The following CACNA2D3 variants were observed in gnomAD, a reference collection of about 807,000 sequenced individuals.
CACNA2D3 encodes calcium voltage-gated channel auxiliary subunit alpha2delta 3.
CACNA2D3 carries 60 observed loss-of-function variants against 160.6 expected under a neutral mutation model. That is an observed-to-expected ratio of 0.37 (90% CI 0.30 to 0.46). The LOEUF (loss-of-function observed/expected upper bound fraction) is 0.46. Ranked by LOEUF, CACNA2D3 falls within the 20% of genes least tolerant of loss-of-function variation. The pLI is 1.00. For missense variants in CACNA2D3, 1,205 were observed against 1,365.0 expected, an observed-to-expected ratio of 0.88 and a Z score of 1.85; for synonymous variants, 558 against 492.9, an observed-to-expected ratio of 1.13 and a Z score of -1.75.
At chr3:54,390,021 G>A (rs1166401372) in intron 4 of CACNA2D3, among the ~76,000 whole-genome samples, 1 of 152,164 alleles carries the variant, frequency 6.6e-6, no homozygotes, top group East Asian at 1.9e-4. Context: ...GTGATTGTGC[G>A]GGAGAGAGTG....
chr3:54,332,970 C>T (rs1452065378), intron 3 of CACNA2D3, among the ~76,000 whole-genome samples: 1 of 152,020 alleles, frequency 6.6e-6, no homozygotes, highest in Non-Finnish European at 1.5e-5. Context: ...CCCAGGGAAC[C>T]CAGGGAGTGA....
At chr3:54,392,837 T>A (rs73084027) in intron 4 of CACNA2D3, among the ~76,000 whole-genome samples, 11,108 of 152,144 alleles carry the variant, frequency 0.073, 590 homozygotes, top group South Asian at 0.11. Context: ...GCCCCAGCAC[T>A]CAGTGTAGAA....
chr3:54,231,218 G>T (rs777867405), intron 2 of CACNA2D3, among the ~76,000 whole-genome samples: 4 of 152,126 alleles, frequency 2.6e-5, no homozygotes, highest in Admixed American at 6.5e-5. Flanking sequence ...TATTACTGCC[G>T]CATGTCTGAG....
chr3:54,263,782 T>C (rs1257292086), intron 2 of CACNA2D3, among the ~76,000 whole-genome samples: 1 of 152,132 alleles, frequency 6.6e-6, no homozygotes, highest in African/African-American at 2.4e-5. Context: ...CTAATGAAAC[T>C]CACAGTGAGA....
At chr3:54,365,544 G>C (rs1206432104) in intron 3 of CACNA2D3, among the ~76,000 whole-genome samples, 2 of 152,116 alleles carry the variant, frequency 1.3e-5, no homozygotes, top group Admixed American at 6.6e-5. Context: ...CTGTATGCCA[G>C]GGGCTGAAGA....
chr3:54,983,181 T>G (rs901703239), intron 29 of CACNA2D3, among the ~76,000 whole-genome samples: 1 of 152,214 alleles, frequency 6.6e-6, no homozygotes, highest in Admixed American at 6.5e-5. Context: ...TCTAAGACAT[T>G]GCTGTCCAGA....
At chr3:54,550,244 C>T (rs1702133728) in intron 5 of CACNA2D3, among the ~76,000 whole-genome samples, 2 of 152,204 alleles carry the variant, frequency 1.3e-5, no homozygotes, top group African/African-American at 4.8e-5. Context: ...CATCCTGCAT[C>T]GCCCGTCCCC....
chr3:54,659,908 G>C (rs1051704512), intron 11 of CACNA2D3, among the ~76,000 whole-genome samples: 2 of 152,130 alleles, frequency 1.3e-5, no homozygotes, highest in Admixed American at 1.3e-4. Context: ...AAGAAGATCA[G>C]AACAAGCAGA....
At chr3:54,865,320 T>C (rs973374786) in intron 17 of CACNA2D3, among the ~76,000 whole-genome samples, 5 of 152,230 alleles carry the variant, frequency 3.3e-5, no homozygotes, top group Admixed American at 2.6e-4. Flanking sequence ...TGAGCCGTTA[T>C]TACATGGATA....
At chr3:54,823,711 C>T (rs1703689182) in intron 14 of CACNA2D3, among the ~76,000 whole-genome samples, 1 of 152,042 alleles carries the variant, frequency 6.6e-6, no homozygotes, top group Admixed American at 6.6e-5. Context: ...TAGAGTGTAA[C>T]ATTTTATGTA....
chr3:54,781,450 C>T (rs1702535524), intron 13 of CACNA2D3, among the ~76,000 whole-genome samples: 1 of 152,188 alleles, frequency 6.6e-6, no homozygotes, highest in Non-Finnish European at 1.5e-5. Flanking sequence ...GGTCAGTAAA[C>T]AGGAGAGTCT....
rs1553644142 is a variant in CACNA2D3 at position 55,074,399 on chromosome 3, T to TTTTAC, written c.*197_*201dup. ...GTTGACAAAAAGTTATCTATCATCTTTTTACTTTGCCAGTCATGCAAATGT... is the reference window on the plus strand; with the variant it reads ...GTTGACAAAAAGTTATCTATCATCTTTTTACTTTACTTTGCCAGTCATGCAAATGT... On this transcript the variant is annotated 3_prime_UTR_variant, in exon 38 of 38. Coordinates refer to ENST00000474759, the MANE Select transcript of CACNA2D3 (RefSeq NM_018398.3). 5.2e-6 allele frequency: 3 copies of TTTTAC among 574,390 alleles called. No individual in the cohort carries two copies. Among genetic ancestry groups the TTTTAC allele is most frequent in the Non-Finnish European group, 9.3e-6 (3 of 321,780 alleles). The allele number at this position is 574,390 out of a possible 1,614,324, so 35.6% of individuals were successfully genotyped here.
chr3:54,554,031 T>C (rs1473834453), intron 5 of CACNA2D3, among the ~76,000 whole-genome samples: 2 of 152,206 alleles, frequency 1.3e-5, no homozygotes, highest in African/African-American at 4.8e-5. Flanking sequence ...CCTCATCTAG[T>C]ACCTCTCGCC....
At chr3:55,040,840 C>T (rs754907241) in intron 35 of CACNA2D3, among the ~76,000 whole-genome samples, 15 of 152,156 alleles carry the variant, frequency 9.9e-5, no homozygotes, top group South Asian at 4.1e-4. Context: ...AATGCCACAA[C>T]CACAAAATGA....
chr3:54,438,350 A>G (rs1700090941), intron 4 of CACNA2D3, among the ~76,000 whole-genome samples: 1 of 152,210 alleles, frequency 6.6e-6, no homozygotes, highest in African/African-American at 2.4e-5. Flanking sequence ...GTGTTTCATG[A>G]TATGCCTTAG....
In CACNA2D3 at chr3:54,704,322, A is replaced by G. The variant is rs551744509; in HGVS notation, c.1168-48277A>G. Among the ~76,000 whole-genome samples, 21 of 152,366 alleles carry G rather than the reference A, an allele frequency of 1.4e-4. No homozygotes were observed. The South Asian group carries it at 3.7e-3, about 27-fold the overall frequency. Reference sequence around the variant, plus strand: ...GCATTAAATGTGGTGTGACAGCCACATTAGAAATGCTGCAGTTTAAGTATG... The same window carrying G: ...GCATTAAATGTGGTGTGACAGCCACGTTAGAAATGCTGCAGTTTAAGTATG... On this transcript the variant is annotated intron_variant, in intron 11 of 37. Transcript: ENST00000474759.
chr3:54,381,779 A>G (rs1448391525), intron 3 of CACNA2D3, among the ~76,000 whole-genome samples: 2 of 152,212 alleles, frequency 1.3e-5, no homozygotes, highest in Admixed American at 1.3e-4. Context: ...AGCTGTAAAT[A>G]CTATCCATGG....
At chr3:54,813,059 A>C (rs1349828133) in intron 13 of CACNA2D3, among the ~76,000 whole-genome samples, 4 of 152,144 alleles carry the variant, frequency 2.6e-5, no homozygotes, top group Admixed American at 2.0e-4. Flanking sequence ...TTTGAATGTG[A>C]AGTGTCACCT....
At chr3:54,381,473 A>G (rs1423516927) in intron 3 of CACNA2D3, among the ~76,000 whole-genome samples, 3 of 152,244 alleles carry the variant, frequency 2.0e-5, no homozygotes, top group Non-Finnish European at 2.9e-5. Context: ...CAAAATGGCC[A>G]GGAACAAAAA....
Sources: gnomAD v4.1 joint callset for allele counts (sites outside exome capture counted in the v4.1 genomes callset) on GRCh38, gnomAD v4.1.1 for gene constraint, MANE v1.5 for transcripts, NCBI Gene and HGNC (gene_info 2026-07-23, HGNC 2026-07-21) for gene names.